The following MON2 variants were observed in gnomAD, a reference collection of about 807,000 sequenced individuals.
MON2 encodes the protein MON2 regulator of endosome-to-Golgi trafficking.
In MON2, 84 loss-of-function variants were observed where a neutral mutation model predicts 208.6. That is an observed-to-expected ratio of 0.40 (90% CI 0.34 to 0.48). MON2 has a LOEUF of 0.48. Among genes scored for constraint, MON2 ranks in the 20% least tolerant of loss-of-function variants. The pLI is 0.59. For missense variants in MON2, 1,611 were observed against 2,015.4 expected (o/e 0.80, Z 3.84); for synonymous variants, 660 against 694.0 (o/e 0.95, Z 0.77).
chr12:62,474,677 G>A (rs2068974174), intron 1 of MON2, among the ~76,000 whole-genome samples: 1 of 152,182 alleles, frequency 6.6e-6, no homozygotes, highest in Non-Finnish European at 1.5e-5. Context: ...GCCCGCCTCG[G>A]CCTCTCAAAG....
At chr12:62,565,077 C>G in intron 26 of MON2, 160 bp from the exon 27 acceptor site, 1 of 626,882 alleles carries the variant, frequency 1.6e-6, no homozygotes, top group East Asian at 3.0e-5. Context: ...TATTCTATAA[C>G]AGTTTAAAAT....
chr12:62,557,481 T>C (rs1428795489), intron 25 of MON2, among the ~76,000 whole-genome samples: 1 of 152,216 alleles, frequency 6.6e-6, no homozygotes, highest in Non-Finnish European at 1.5e-5. Context: ...GTCAATGGAC[T>C]AAGACTGAGA....
intron 26 of MON2, among the ~76,000 whole-genome samples, chr12:62,563,043 A>C (rs2074255439): frequency 7.9e-5 from 12 of 152,210 alleles, no homozygotes; most frequent in Admixed American, 7.2e-4. Context: ...TTTTTTGCTA[A>C]ACTTCTTAGT....
At chr12:62,587,268 A>G (rs1442853105) in intron 33 of MON2, among the ~76,000 whole-genome samples, 1 of 152,152 alleles carries the variant, frequency 6.6e-6, no homozygotes, top group Admixed American at 6.5e-5. Flanking sequence ...AATAAGTACC[A>G]TTGTAATTTT....
rs138625424 is a variant in MON2 at position 62,550,939 on chromosome 12, G to A, written c.2916+1109G>A. 5.5e-3 allele frequency among the ~76,000 whole-genome samples: 638 copies of A among 116,638 alleles called. 8 individuals are homozygous for A. Among genetic ancestry groups the A allele is most frequent in the African/African-American group, 0.02 (606 of 30,206 alleles). The allele number at this position is 116,638 out of a possible 152,430, so 76.5% of individuals were successfully genotyped here. A position where few individuals can be genotyped will look rare whatever the true frequency, so the allele number is the denominator to read the frequency against. ...TTTTTTTTTTTTTTTTTTTTTCTGAGACGGAGTCTTGCGCTTGTTACCCAG... is the reference window on the plus strand; with the variant it reads ...TTTTTTTTTTTTTTTTTTTTTCTGAAACGGAGTCTTGCGCTTGTTACCCAG... On this transcript the variant is annotated intron_variant, in intron 23 of 34. Transcript: ENST00000393630.
intron 1 of MON2, among the ~76,000 whole-genome samples, chr12:62,473,942 T>G (rs2135955568): frequency 6.6e-6 from 1 of 152,164 alleles, no homozygotes; most frequent in Non-Finnish European, 1.5e-5. Flanking sequence ...GCTCACCTGC[T>G]TGGCATCATC....
At chr12:62,557,966 T>A (rs866775179) in intron 25 of MON2, among the ~76,000 whole-genome samples, 216 of 59,858 alleles carry the variant, frequency 3.6e-3, no homozygotes, top group Non-Finnish European at 4.5e-3. Context: ...ATATATATTT[T>A]TTTTTTTTTT....
At chr12:62,527,328 C>T (rs987048245) in intron 11 of MON2, among the ~76,000 whole-genome samples, 1 of 152,086 alleles carries the variant, frequency 6.6e-6, no homozygotes, top group Non-Finnish European at 1.5e-5. Context: ...TGTCAGTCTG[C>T]ATTGTATCAT....
At chr12:62,493,061 CAAAT>C (rs1160431677) in intron 2 of MON2, among the ~76,000 whole-genome samples, 10 of 151,852 alleles carry the variant, frequency 6.6e-5, no homozygotes, top group Non-Finnish European at 1.0e-4. Context: ...ACACACAAAA[CAAAT>C]AATCGCTTAT....
chr12:62,532,158 T>G (rs2072684034), intron 11 of MON2, among the ~76,000 whole-genome samples: 1 of 152,176 alleles, frequency 6.6e-6, no homozygotes, highest in African/African-American at 2.4e-5. Context: ...TTCTAATATC[T>G]AATATTTAAT....
intron 12 of MON2, among the ~76,000 whole-genome samples, chr12:62,534,542 A>AAAAAAAATATAT (rs1555169522): frequency 4.4e-5 from 1 of 22,846 alleles, no homozygotes; most frequent in African/African-American, 2.0e-4. Flanking sequence ...AAAAAAAAAA[A>AAAAAAAATATAT]ATATATATAT....
intron 8 of MON2, among the ~76,000 whole-genome samples, chr12:62,524,139 A>G (rs2072213064): frequency 1.3e-5 from 2 of 152,112 alleles, no homozygotes. Flanking sequence ...GTATGGAAAA[A>G]ACTGCTCTGA....
chr12:62,563,696 C>G (rs1399532701), intron 26 of MON2, among the ~76,000 whole-genome samples: 17 of 152,164 alleles, frequency 1.1e-4, no homozygotes, highest in Admixed American at 1.0e-3. Context: ...CTCTATATAT[C>G]AACTATAACA....
Position 62,592,833 on chromosome 12 carries a change from T to A in MON2, c.*84T>A. 2 of 1,336,678 alleles carry A rather than the reference T, an allele frequency of 1.5e-6. No individual in the cohort carries two copies. Among genetic ancestry groups the A allele is most frequent in the Non-Finnish European group, 2.0e-6 (2 of 988,380 alleles). The allele number at this position is 1,336,678 out of a possible 1,614,324, so 82.8% of individuals were successfully genotyped here. On this transcript the variant is annotated 3_prime_UTR_variant, in exon 35 of 35. Coordinates refer to ENST00000393630, the MANE Select transcript of MON2 (RefSeq NM_015026.3). ...AGTCTTCTGTGAGAAGGACATTTCT[T>A]ACTGCAGATAATTCTTGGCAGCTGT...
chr12:62,554,280 AGAGAATAACAG>A (rs1369682426), intron 24 of MON2, among the ~76,000 whole-genome samples: 2 of 152,290 alleles, frequency 1.3e-5, no homozygotes, highest in Admixed American at 6.5e-5. Context: ...CTTAAACATT[AGAGAATAACAG>A]AATCACCTTA....
rs1447489429 is a variant in MON2, at chr12:62,560,939, C to T, written c.3858C>T (p.His1286=). ...AGATATTTCCAGCTCTCTACCAACA[C>T]ATAAAAACTGGTTTCAATATGGATG... ...LIQIFPALYQ[H]IKTGFNMDDL... is the part of the protein sequence containing the mutation. The change falls in exon 26 of 35, where the codon CAC becomes CAT. Residue 1286 remains histidine, a synonymous_variant. Coordinates refer to ENST00000393630, the MANE Select transcript of MON2 (RefSeq NM_015026.3). 1.2e-6 allele frequency: 2 copies of T among 1,613,928 alleles called. No individual in the cohort carries two copies. The highest frequency in any genetic ancestry group is 1.1e-5 in the South Asian group (1 of 91,062).
chr12:62,469,142 G>A (rs996224552), intron 1 of MON2, among the ~76,000 whole-genome samples: 9 of 146,928 alleles, frequency 6.1e-5, no homozygotes, highest in African/African-American at 1.8e-4. Context: ...TTGTAGAGAC[G>A]GGGTTTTGGC....
chr12:62,478,797 A>G (rs1282750959), intron 1 of MON2, among the ~76,000 whole-genome samples: 2 of 152,188 alleles, frequency 1.3e-5, no homozygotes, highest in Admixed American at 6.5e-5. Flanking sequence ...TGGATGGAGG[A>G]CATGATTGTA....
In MON2 at chr12:62,583,361, A is replaced by G. The variant is rs561924733; in HGVS notation, c.4700-1933A>G. 1.0e-3 allele frequency among the ~76,000 whole-genome samples: 150 copies of G among 149,960 alleles called. 1 individual carries two copies. The highest frequency in any genetic ancestry group is 3.6e-3 in the African/African-American group (144 of 40,376). On this transcript the variant is annotated intron_variant, in intron 32 of 34. Transcript: ENST00000393630. ...AACAAAAAAAACAAGACGAGAAAGA[A>G]CTCATAGAAACTAAAGATGTAGAGT... is the stretch of plus-strand genomic sequence containing the variant.
Sources: allele counts gnomAD v4.1 joint callset (sites outside exome capture counted in the v4.1 genomes callset), GRCh38; gene constraint gnomAD v4.1.1; transcripts MANE v1.5; gene names NCBI Gene and HGNC (gene_info 2026-07-23, HGNC 2026-07-21).